Variants in SYNE2 observed in about 807,000 individuals in gnomAD.
The protein encoded by SYNE2 is nesprin-2.
Under a neutral mutation model 856.3 loss-of-function variants are expected in SYNE2, and 431 were observed. The ratio of observed to expected loss-of-function variants is 0.50; its 90% CI spans 0.47 to 0.55. The LOEUF (loss-of-function observed/expected upper bound fraction) is 0.55. SYNE2 is among the 20% of genes least tolerant of loss of function. SYNE2 has a pLI of 0.00. For synonymous variants in SYNE2, 2,923 were observed against 2,872.3 expected (o/e 1.02, Z -0.56); for missense variants, 8,129 against 8,023.2 (o/e 1.01, Z -0.50).
chr14:63,961,392 A>G (rs538678937), intron 8 of SYNE2, 133 bp from the exon 9 acceptor site: 391 of 730,550 alleles, frequency 5.4e-4, no homozygotes, highest in Non-Finnish European at 8.3e-4. Context: ...CAGAGATTGG[A>G]TGGCTGGGTG....
chr14:64,040,440 A>G (rs1413103345), intron 45 of SYNE2, among the ~76,000 whole-genome samples: 1 of 151,806 alleles, frequency 6.6e-6, no homozygotes, highest in East Asian at 1.9e-4. Context: ...TCAACAAACA[A>G]CAAAAAAAGT....
At chr14:63,930,285 CAAA>C (rs1328534376) in intron 2 of SYNE2, among the ~76,000 whole-genome samples, 15 of 65,058 alleles carry the variant, frequency 2.3e-4, no homozygotes, top group Admixed American at 1.7e-4. Context: ...GACCCTGTCT[CAAA>C]AAAAAAAAAA....
intron 1 of SYNE2, among the ~76,000 whole-genome samples, chr14:63,773,577 G>T (rs1189617861): frequency 1.3e-5 from 2 of 152,056 alleles, no homozygotes; most frequent in African/African-American, 2.4e-5. Flanking sequence ...AGAGATGGGG[G>T]TCTCACTATG....
chr14:63,914,935 G>A (rs1232956906), intron 2 of SYNE2, among the ~76,000 whole-genome samples: 5 of 152,032 alleles, frequency 3.3e-5, no homozygotes, highest in Admixed American at 6.6e-5. Context: ...GTGCCACCAC[G>A]CCAAGCTATT....
At chr14:63,868,773 A>T (rs1896115815) in intron 1 of SYNE2, among the ~76,000 whole-genome samples, 1 of 152,108 alleles carries the variant, frequency 6.6e-6, no homozygotes, top group Admixed American at 6.6e-5. Context: ...TAATAACAAA[A>T]ATTCCTTAAA....
At chr14:64,184,841 T>C (rs1262599949) in intron 96 of SYNE2, among the ~76,000 whole-genome samples, 2 of 152,394 alleles carry the variant, frequency 1.3e-5, no homozygotes, top group African/African-American at 4.8e-5. Flanking sequence ...CTCTGGGCCA[T>C]TTTATTAAAC....
chr14:64,186,293 A>G (rs1596078057), intron 96 of SYNE2, 131 bp from the exon 97 acceptor site: 2 of 1,207,672 alleles, frequency 1.7e-6, no homozygotes, highest in Non-Finnish European at 1.2e-6. Context: ...GCTGTTTCCC[A>G]TTCAGAAGGT....
At chr14:64,129,232 G>A (rs1167669814) in intron 74 of SYNE2, among the ~76,000 whole-genome samples, 1 of 152,210 alleles carries the variant, frequency 6.6e-6, no homozygotes, top group Non-Finnish European at 1.5e-5. Flanking sequence ...GCTTGAGCTT[G>A]GGGGGCGGAG....
At chr14:63,780,741 A>T (rs916342014) in intron 1 of SYNE2, among the ~76,000 whole-genome samples, 1 of 152,238 alleles carries the variant, frequency 6.6e-6, no homozygotes, top group African/African-American at 2.4e-5. Flanking sequence ...GCCTACATCA[A>T]CTTGCCTGAA....
intron 54 of SYNE2, among the ~76,000 whole-genome samples, chr14:64,078,031 G>C (rs2097482954): frequency 6.6e-6 from 1 of 152,090 alleles, no homozygotes; most frequent in Non-Finnish European, 1.5e-5. Context: ...TTGAGAGTAA[G>C]TTTGGTTTTA....
At chr14:63,891,808 C>T (rs989623852) in intron 1 of SYNE2, among the ~76,000 whole-genome samples, 2 of 151,982 alleles carry the variant, frequency 1.3e-5, no homozygotes, top group African/African-American at 4.8e-5. Context: ...TGGGTCCCGG[C>T]CAAGCAGCAG....
chr14:63,896,444 A>G (rs1234041207), intron 1 of SYNE2, among the ~76,000 whole-genome samples: 1 of 152,218 alleles, frequency 6.6e-6, no homozygotes, highest in African/African-American at 2.4e-5. Context: ...GGATCCAAAG[A>G]CAACATCCAG....
rs1289298657 is a variant in SYNE2 at position 64,116,932 on chromosome 14, CAG to C, written c.12841-2492_12841-2491del. ...GTATGTAATAGTTAAGTGGGAAAAA[CAG>C]AGCATAAAATTATGCTACATTTTGT... On this transcript the variant is annotated intron_variant, in intron 66 of 115. Transcript: ENST00000555002. Among the ~76,000 whole-genome samples, 4 of 152,260 alleles carry C rather than the reference CAG, an allele frequency of 2.6e-5. No individual in the cohort carries two copies. The South Asian group carries it at 8.3e-4, about 32-fold the overall frequency.
chr14:63,768,652 C>T (rs1886778889), intron 1 of SYNE2, among the ~76,000 whole-genome samples: 1 of 152,080 alleles, frequency 6.6e-6, no homozygotes, highest in Admixed American at 6.6e-5. Flanking sequence ...AAAGAAGCAG[C>T]CAAAGGTCTT....
rs139996424 is a variant in SYNE2 at position 64,190,099 on chromosome 14, G to T, written c.17900G>T (p.Ser5967Ile). The change falls in exon 99 of 116, where the codon AGT (serine) becomes ATT (isoleucine). Residue 5967 changes from serine to isoleucine, a missense_variant. Around this residue, in one of 3 missense-constraint regions of SYNE2, gnomAD observed 5,410 missense variants for 5,284.8 expected, o/e 1.02. Coordinates refer to ENST00000555002, the MANE Select transcript of SYNE2 (RefSeq NM_182914.3). ...TGCATGGAAGAAATAAACTTGTTTA[G>T]TGAAAACAAGTTACAGTTAAAGCAG... ...KDCMEEINLF[S>I]ENKLQLKQMG... is the part of the protein sequence containing the mutation. The T allele has an allele frequency of 1.1e-5, 18 of 1,613,950 alleles. No individual in the cohort carries two copies. Among genetic ancestry groups the T allele is most frequent in the Middle Eastern group, 3.3e-4 (2 of 6,060 alleles).
intron 1 of SYNE2, among the ~76,000 whole-genome samples, chr14:63,826,391 C>A (rs1595149575): frequency 6.6e-6 from 1 of 152,158 alleles, no homozygotes. Flanking sequence ...CCTCCACCTC[C>A]CAGGTTCAAG....
At chr14:64,046,867 G>T (rs1168184688) in intron 45 of SYNE2, among the ~76,000 whole-genome samples, 1 of 152,236 alleles carries the variant, frequency 6.6e-6, no homozygotes, top group South Asian at 2.1e-4. Flanking sequence ...ACCTTGAGGG[G>T]AATGCAGTGG....
intron 1 of SYNE2, among the ~76,000 whole-genome samples, chr14:63,899,472 G>A (rs979622744): frequency 1.9e-4 from 29 of 152,172 alleles, no homozygotes; most frequent in Admixed American, 6.5e-4. Flanking sequence ...AAAGTGCTGG[G>A]ATTACAGGCA....
At chr14:64,214,593 G>T (rs2098657045) in intron 106 of SYNE2, 123 bp downstream of exon 106, 8 of 967,642 alleles carry the variant, frequency 8.3e-6, no homozygotes, top group Non-Finnish European at 1.6e-6. Flanking sequence ...GACTTCTGTG[G>T]TTTCCTGTGC....
Sources: allele counts gnomAD v4.1 joint callset (sites outside exome capture counted in the v4.1 genomes callset), GRCh38; gene constraint gnomAD v4.1.1; regional missense constraint gnomAD v4.1.1; transcripts MANE v1.5; gene names NCBI Gene and HGNC (gene_info 2026-07-23, HGNC 2026-07-21).